The following SLC19A2 variants were observed in gnomAD, a reference collection of about 807,000 sequenced individuals.
SLC19A2 encodes thiamine transporter 1.
A neutral mutation model predicts 44.7 loss-of-function variants in SLC19A2; 27 were observed. The observed-to-expected ratio is 0.60, with a 90% CI of 0.45 to 0.83. The LOEUF (loss-of-function observed/expected upper bound fraction) is 0.83. Among genes scored for constraint, SLC19A2 ranks in the 40% least tolerant of loss-of-function variants. The pLI is 0.00. For missense variants in SLC19A2, 566 were observed against 613.7 expected (o/e 0.92, Z 0.82); for synonymous variants, 239 against 243.6 (o/e 0.98, Z 0.18).
chr1:169,470,080 G>C lies in SLC19A2; in HGVS notation c.914C>G (p.Ser305Cys), dbSNP rs1658132365. The change falls in exon 3 of 6, where the codon TCT becomes TGT. Residue 305 changes from serine (S) to cysteine (C), a missense_variant. Coordinates refer to ENST00000236137, the MANE Select transcript of SLC19A2 (RefSeq NM_006996.3). Reference sequence around the variant, plus strand: ...CACAACTTGAAAATAGCCACAGGTAGAGAGGGCCCACCACACAGACCAGCA... The same window carrying C: ...CACAACTTGAAAATAGCCACAGGTACAGAGGGCCCACCACACAGACCAGCA... ...LLCWSVWWAL[S>C]TCGYFQVVNY... 1 of 1,614,038 alleles carries C rather than the reference G, an allele frequency of 6.2e-7. No homozygotes were observed. The highest frequency in any genetic ancestry group is 8.5e-7 in the Non-Finnish European group (1 of 1,179,940).
chr1:169,477,963 G>A (rs1431194149), intron 1 of SLC19A2, among the ~76,000 whole-genome samples: 3 of 152,178 alleles, frequency 2.0e-5, no homozygotes, highest in African/African-American at 7.2e-5. Context: ...CTGGAGTGCA[G>A]TGGTACGATC....
At chr1:169,473,409 A>ATT (rs34688678) in intron 2 of SLC19A2, among the ~76,000 whole-genome samples, 6 of 138,648 alleles carry the variant, frequency 4.3e-5, no homozygotes, top group East Asian at 2.2e-4. Context: ...TAGTTTTTGT[A>ATT]TTTTTTTTTT....
rs1304283867 is a variant in SLC19A2 at position 169,485,495 on chromosome 1, T to TG, written c.204+67_204+68insC. On this transcript the variant is annotated intron_variant, in intron 1 of 5. Coordinates refer to ENST00000236137, the MANE Select transcript of SLC19A2 (RefSeq NM_006996.3). Reference sequence around the variant, plus strand: ...GGCTCGAGCGCTTTTCTCGGTCCTCTCTTCCTCCGCTGCCCACCCGCAGGC... The same window carrying TG: ...GGCTCGAGCGCTTTTCTCGGTCCTCTGCTTCCTCCGCTGCCCACCCGCAGGC... 7 of 1,521,610 alleles carry TG rather than the reference T, an allele frequency of 4.6e-6. No individual in the cohort carries two copies. In the African/African-American group the frequency reaches 8.3e-5, roughly 18 times the overall value. The allele number at this position is 1,521,610 out of a possible 1,614,324, so 94.3% of individuals were successfully genotyped here.
chr1:169,467,592 A>G lies in SLC19A2; in HGVS notation c.1365+519T>C, dbSNP rs1883167. On this transcript the variant is annotated intron_variant, in intron 5 of 5. Coordinates refer to ENST00000236137, the MANE Select transcript of SLC19A2 (RefSeq NM_006996.3). ...AACTATACAATTCCTGAACGTAAAA[A>G]GTATTCACATTGTTGTTGGGTGTTG... is the stretch of plus-strand genomic sequence containing the variant. 0.061 allele frequency among the ~76,000 whole-genome samples: 9,351 copies of G among 152,224 alleles called. 1,427 individuals are homozygous for G. The East Asian group carries it at 0.67, about 11-fold the overall frequency.
intron 1 of SLC19A2, among the ~76,000 whole-genome samples, chr1:169,481,350 G>A (rs564221286): frequency 5.0e-4 from 76 of 152,292 alleles, no homozygotes; most frequent in African/African-American, 1.6e-3. Context: ...TTCTGAATCC[G>A]CCACACTAAA....
intron 1 of SLC19A2, among the ~76,000 whole-genome samples, chr1:169,480,017 C>T (rs1261887201): frequency 1.3e-5 from 2 of 152,170 alleles, no homozygotes; most frequent in Non-Finnish European, 2.9e-5. Context: ...AATGGCCTCA[C>T]CTTCATGAAT....
chr1:169,485,034 G>A (rs77655307), intron 1 of SLC19A2, among the ~76,000 whole-genome samples: 9,591 of 152,254 alleles, frequency 0.063, 363 homozygotes, highest in South Asian at 0.1. Context: ...AAGATGTTCT[G>A]TACTTCTGTC....
At position 169,477,253 on chromosome 1, in the gene SLC19A2, T is replaced by C. The variant is rs980936424; in HGVS notation, c.709A>G (p.Ile237Val). 1.1e-5 allele frequency: 18 copies of C among 1,614,180 alleles called. No individual in the cohort carries two copies. The highest frequency in any genetic ancestry group is 1.4e-5 in the Non-Finnish European group (17 of 1,180,040). Residue 237 changes from isoleucine (I) to valine (V), a missense_variant, in exon 2 of 6, where the codon ATT becomes GTT. Transcript: ENST00000236137. ...VNGIKVQNGG[I>V]VTDTPASNHL... ...TTAGAAGCTGGGGTGTCAGTAACAA[T>C]GCCACCATTTTGTACCTTGATGCCA...
rs1031072387 is a variant in SLC19A2, at chr1:169,481,076, T to A, written c.205-3319A>T. On this transcript the variant is annotated intron_variant, in intron 1 of 5. Coordinates refer to ENST00000236137, the MANE Select transcript of SLC19A2 (RefSeq NM_006996.3). Reference sequence around the variant, plus strand: ...CTTATTCTAAATAAGAAACCTGCATTTTCTCCTTTAAAAGACATCAACCCA... The same window carrying A: ...CTTATTCTAAATAAGAAACCTGCATATTCTCCTTTAAAAGACATCAACCCA... Among the ~76,000 whole-genome samples, 9 of 152,170 alleles carry A rather than the reference T, an allele frequency of 5.9e-5. 1 individual carries two copies. Among genetic ancestry groups the A allele is most frequent in the Non-Finnish European group, 1.0e-4 (7 of 68,032 alleles).
intron 2 of SLC19A2, among the ~76,000 whole-genome samples, chr1:169,474,782 A>G (rs1658270058): frequency 4.6e-5 from 7 of 152,180 alleles, no homozygotes. Context: ...AAACAGCAGC[A>G]TTTTAGGGCC....
Position 169,465,243 on chromosome 1 carries a change from T to C in SLC19A2, c.*606A>G, listed in dbSNP as rs1657960840. On this transcript the variant is annotated 3_prime_UTR_variant, in exon 6 of 6. Coordinates refer to ENST00000236137, the MANE Select transcript of SLC19A2 (RefSeq NM_006996.3). ...ATGGGAACCAAGAACATTCATATGA[T>C]GAATTTTTTTAAAATAACTTAAAAT... 1 of 152,380 alleles carries C rather than the reference T, an allele frequency of 6.6e-6. No individual in the cohort carries two copies. Among genetic ancestry groups the C allele is most frequent in the Non-Finnish European group, 1.5e-5 (1 of 68,126 alleles). 9.4% of individuals were successfully genotyped at this position (152,380 alleles called of 1,614,324 possible).
At chr1:169,471,729 T>G (rs1658188964) in intron 2 of SLC19A2, among the ~76,000 whole-genome samples, 1 of 129,576 alleles carries the variant, frequency 7.7e-6, no homozygotes. Flanking sequence ...ATATATCATT[T>G]TTATAAAATT....
rs910568915 is a variant in SLC19A2, at chr1:169,463,947, T to C, written c.*1902A>G. On this transcript the variant is annotated 3_prime_UTR_variant, in exon 6 of 6. Transcript: ENST00000236137. Reference sequence around the variant, plus strand: ...GAGAAAATATACTGTAAAATATTTATTTAATAAAAATAATTTTATAATCTA... The same window carrying C: ...GAGAAAATATACTGTAAAATATTTACTTAATAAAAATAATTTTATAATCTA... 3.3e-5 allele frequency: 5 copies of C among 151,976 alleles called. No homozygotes were observed. Among genetic ancestry groups the C allele is most frequent in the African/African-American group, 1.2e-4 (5 of 41,438 alleles). 9.4% of individuals were successfully genotyped at this position (151,976 alleles called of 1,614,324 possible). A position where few individuals can be genotyped will look rare whatever the true frequency, so the allele number is the denominator to read the frequency against.
intron 2 of SLC19A2, among the ~76,000 whole-genome samples, chr1:169,475,291 T>A (rs1382736766): frequency 6.6e-6 from 1 of 151,772 alleles, no homozygotes; most frequent in African/African-American, 2.4e-5. Flanking sequence ...GAACTGAATT[T>A]AAAAAAAATA....
rs1657969007 is a variant in SLC19A2, at chr1:169,465,642, C to T, written c.*207G>A. 1 of 581,572 alleles carries T rather than the reference C, an allele frequency of 1.7e-6. No individual in the cohort carries two copies. Among genetic ancestry groups the T allele is most frequent in the African/African-American group, 1.9e-5 (1 of 53,278 alleles). The allele number at this position is 581,572 out of a possible 1,614,324, so 36.0% of individuals were successfully genotyped here. A position where few individuals can be genotyped will look rare whatever the true frequency, so the allele number is the denominator to read the frequency against. On this transcript the variant is annotated 3_prime_UTR_variant, in exon 6 of 6. Coordinates refer to ENST00000236137, the MANE Select transcript of SLC19A2 (RefSeq NM_006996.3). ...AAAAAGTCATCCTTAAATTAGCTCT[C>T]ATAAATAATCCATGAAATAAACTTT...
At position 169,477,653 on chromosome 1, in the gene SLC19A2, C is replaced by A. The variant is rs1369853174; in HGVS notation, c.309G>T (p.Leu103=). The A allele has an allele frequency of 6.2e-7, 1 of 1,613,760 alleles. No homozygotes were observed. Among genetic ancestry groups the A allele is most frequent in the Non-Finnish European group, 8.5e-7 (1 of 1,179,966 alleles). Residue 103 remains leucine (L), a synonymous_variant, in exon 2 of 6, where the codon CTG becomes CTT. Transcript: ENST00000236137. ...ATGTAACAATAAGGCTGAGCCCCTG[C>A]AGTAGAACAACAGGTTTATAACGGA... ...DYLRYKPVVL[L]QGLSLIVTWF... is the part of the protein sequence containing the mutation.
rs112215556 is a variant in SLC19A2, at chr1:169,470,869, A to G, written c.808-683T>C. ...TCAGACACTCTGTGAGATATCTCTG[A>G]TTTCAACTGTATGAAAGGACTAATC... On this transcript the variant is annotated intron_variant, in intron 2 of 5. Coordinates refer to ENST00000236137, the MANE Select transcript of SLC19A2 (RefSeq NM_006996.3). Among the ~76,000 whole-genome samples the G allele has an allele frequency of 5.6e-3, 846 of 152,304 alleles. 7 individuals are homozygous for G. Among genetic ancestry groups the G allele is most frequent in the African/African-American group, 0.019 (807 of 41,548 alleles).
Position 169,477,589 on chromosome 1 carries a change from G to T in SLC19A2, c.373C>A (p.Gln125Lys), listed in dbSNP as rs1032519430. The change falls in exon 2 of 6, where the codon CAA (glutamine) becomes AAA (lysine). Residue 125 changes from glutamine (Q) to lysine (K), a missense_variant. Physicochemically the swap from Gln to Lys is moderately conservative, Grantham distance 53 (BLOSUM62 1). Transcript: ENST00000236137. ...ATGCCATAAAAAAATTCTAGAAATT[G>T]AATGGCCAGCAGTCCCTGGGCATAG... The part of the protein sequence containing the change: ...LLYAQGLLAI[Q>K]FLEFFYGIAT... 2 of 1,614,132 alleles carry T rather than the reference G, an allele frequency of 1.2e-6. No homozygotes were observed. The highest frequency in any genetic ancestry group is 1.7e-6 in the Non-Finnish European group (2 of 1,180,028).
At chr1:169,473,524 G>C (rs192746519) in intron 2 of SLC19A2, among the ~76,000 whole-genome samples, 2 of 152,056 alleles carry the variant, frequency 1.3e-5, no homozygotes, top group African/African-American at 4.8e-5. Context: ...GGGATTACAG[G>C]TGTGAGTCAC....
Sources: allele counts gnomAD v4.1 joint callset (sites outside exome capture counted in the v4.1 genomes callset), GRCh38; gene constraint gnomAD v4.1.1; transcripts MANE v1.5; gene names NCBI Gene and HGNC (gene_info 2026-07-23, HGNC 2026-07-21).